MAP1A: variants seen among roughly 807,000 people sequenced by gnomAD.
MAP1A encodes microtubule associated protein 1A, also known as microtubule-associated protein 1A.
In MAP1A, 42 loss-of-function variants were observed where a neutral mutation model predicts 185.9. The observed-to-expected ratio is 0.23, with a 90% confidence interval of 0.18 to 0.29. MAP1A has a LOEUF of 0.29. MAP1A is among the 10% of genes least tolerant of loss of function. The pLI is 1.00. For missense variants in MAP1A, 2,995 were observed against 3,450.4 expected (o/e 0.87, Z 3.31); for synonymous variants, 1,229 against 1,335.9 (o/e 0.92, Z 1.74).
At chr15:43,517,518 C>T (rs149594036), upstream of MAP1A, 33 of 172,298 alleles carry the variant, frequency 1.9e-4, no homozygotes, top group East Asian at 5.7e-3. Flanking sequence ...AGTTAAGTCT[C>T]CAGTGCCTCG....
In MAP1A at chr15:43,524,254, C is replaced by T; in HGVS notation, c.2781C>T (p.Ile927=). The change falls in exon 4 of 6, where the codon ATC becomes ATT. Residue 927 remains isoleucine (I), a synonymous_variant. Transcript: ENST00000300231. ...VTGESEKRGE[I]IGKGLSGERA... Reference sequence around the variant, plus strand: ...GGGAGTCAGAGAAGAGAGGAGAGATCATAGGGAAAGGCTTGTCTGGAGAGA... The same window carrying T: ...GGGAGTCAGAGAAGAGAGGAGAGATTATAGGGAAAGGCTTGTCTGGAGAGA... 6.2e-7 allele frequency: 1 copy of T among 1,614,154 alleles called. No individual in the cohort carries two copies. The highest frequency in any genetic ancestry group is 8.5e-7 in the Non-Finnish European group (1 of 1,180,018).
upstream of MAP1A, among the ~76,000 whole-genome samples, chr15:43,514,403 C>G (rs1450358310): frequency 6.6e-6 from 1 of 152,240 alleles, no homozygotes; most frequent in Admixed American, 6.5e-5. Flanking sequence ...ACTGCCCCTC[C>G]CTCCAGCCTT....
chr15:43,514,817 G>A (rs2140201084), upstream of MAP1A, among the ~76,000 whole-genome samples: 1 of 152,246 alleles, frequency 6.6e-6, no homozygotes, highest in South Asian at 2.1e-4. Flanking sequence ...GAAACAATTA[G>A]GACAGTGGAA....
Position 43,525,201 on chromosome 15 carries a change from C to G in MAP1A, c.3728C>G (p.Ala1243Gly). 1 of 1,614,110 alleles carries G rather than the reference C, an allele frequency of 6.2e-7. No homozygotes were observed. The highest frequency in any genetic ancestry group is 1.1e-5 in the South Asian group (1 of 91,088). The change falls in exon 4 of 6, where the codon GCC becomes GGC. Residue 1243 changes from alanine to glycine, a missense_variant. Ala to Gly is a moderately conservative substitution (Grantham distance 60, BLOSUM62 0). Coordinates refer to ENST00000300231, the MANE Select transcript of MAP1A (RefSeq NM_002373.6). ...GKEEMGHLMQ[A>G]EDTSHHTAPM... is the part of the protein sequence containing the mutation. ...GAAGAAATGGGGCATCTGATGCAGG[C>G]CGAGGATACCTCTCACCACACAGCT...
In MAP1A at chr15:43,528,185, T is replaced by C. The variant is rs2079354423; in HGVS notation, c.6712T>C (p.Ser2238Pro). ...SSLPQLPSPSSPGAPLLSNLP... is the reference protein window; with the variant it reads ...SSLPQLPSPSPPGAPLLSNLP... ...ACTGCCCCAGCTCCCATCACCCAGT[T>C]CTCCTGGGGCCCCTCTCCTCTCCAA... is the stretch of plus-strand genomic sequence containing the variant. Residue 2238 changes from serine to proline, a missense_variant, in exon 4 of 6, where the codon TCT becomes CCT. Around this residue, in one of 3 missense-constraint regions of MAP1A, gnomAD observed 2,728 missense variants for 2,986.0 expected, o/e 0.91. Transcript: ENST00000300231. The C allele has an allele frequency of 6.2e-7, 1 of 1,613,840 alleles. No homozygotes were observed. The highest frequency in any genetic ancestry group is 8.5e-7 in the Non-Finnish European group (1 of 1,179,996).
At position 43,522,475 on chromosome 15, in the gene MAP1A, G is replaced by A. The variant is rs576147041; in HGVS notation, c.1002G>A (p.Leu334=). Reference sequence around the variant, plus strand: ...CTACCAAGACGGCCGTGAGCAAGTTGGCCAAACGGGAGGAGGTGGTAGAAG... The same window carrying A: ...CTACCAAGACGGCCGTGAGCAAGTTAGCCAAACGGGAGGAGGTGGTAGAAG... ...KATTKTAVSK[L]AKREEVVEEG... Residue 334 remains leucine, a synonymous_variant, in exon 4 of 6, where the codon TTG becomes TTA. Transcript: ENST00000300231. This position sits in a 1 kb window ranked among gnomAD's most constrained non-coding sequence, Gnocchi z 5.9. 1.2e-5 allele frequency: 20 copies of A among 1,614,028 alleles called. No individual in the cohort carries two copies. The highest frequency in any genetic ancestry group is 3.3e-4 in the Middle Eastern group (2 of 6,062).
upstream of MAP1A, among the ~76,000 whole-genome samples, chr15:43,513,797 G>A (rs1176538303): frequency 2.0e-5 from 3 of 152,218 alleles, no homozygotes; most frequent in Non-Finnish European, 4.4e-5. Context: ...CCCTAATGAT[G>A]AAAATCGGCA....
At position 43,527,752 on chromosome 15, in the gene MAP1A, C is replaced by A. The variant is rs780152975; in HGVS notation, c.6279C>A (p.Pro2093=). The change falls in exon 4 of 6, where the codon CCC becomes CCA. Residue 2093 remains proline, a synonymous_variant. Transcript: ENST00000300231. ...GCCCAGATAGGAGGTCCCCATCCCC[C>A]AAGGAATCAGGCCGGAGTCACTGGG... ...SCSPDRRSPS[P]KESGRSHWDD... 4 of 1,613,674 alleles carry A rather than the reference C, an allele frequency of 2.5e-6. No homozygotes were observed. The highest frequency in any genetic ancestry group is 3.4e-6 in the Non-Finnish European group (4 of 1,179,890).
chr15:43,527,982 TCTC>T lies in MAP1A; in HGVS notation c.6513_6515del (p.Ser2172del), dbSNP rs745774409. 9.3e-5 allele frequency: 150 copies of T among 1,613,864 alleles called. No homozygotes were observed. The highest frequency in any genetic ancestry group is 1.2e-4 in the Non-Finnish European group (140 of 1,180,008). On this transcript the variant is annotated inframe_deletion, in exon 4 of 6. Coordinates refer to ENST00000300231, the MANE Select transcript of MAP1A (RefSeq NM_002373.6). ...GACTTCCCTGCTTCAGCCTTTGGCT[TCTC>T]CTCATTGCAGCCAGCTCCCCCACAG...
In MAP1A at chr15:43,529,019, C is replaced by T. The variant is rs1408020257; in HGVS notation, c.7546C>T (p.Pro2516Ser). 1 of 1,613,698 alleles carries T rather than the reference C, an allele frequency of 6.2e-7. No individual in the cohort carries two copies. The highest frequency in any genetic ancestry group is 1.3e-5 in the African/African-American group (1 of 74,916). The stretch of plus-strand genomic sequence containing the variant: ...CTCCTCACAGTCAGATTCTGATGTC[C>T]CGCCAGAAACTGAGGAGTGTCCGTC... ...SGSSQSDSDV[P>S]PETEECPSIT... is the part of the protein sequence containing the mutation. Residue 2516 changes from proline (P) to serine (S), a missense_variant, in exon 4 of 6, where the codon CCG (proline) becomes TCG (serine). Coordinates refer to ENST00000300231, the MANE Select transcript of MAP1A (RefSeq NM_002373.6). The surrounding 1 kb of genome is among the most constrained non-coding windows in gnomAD (Gnocchi z 4.3).
rs1019566410 is a variant in MAP1A at position 43,531,444 on chromosome 15, C to T, written c.*1220C>T. 6.5e-6 allele frequency: 1 copy of T among 152,742 alleles called. No individual in the cohort carries two copies. Among genetic ancestry groups the T allele is most frequent in the Admixed American group, 6.5e-5 (1 of 15,268 alleles). The allele number at this position is 152,742 out of a possible 1,614,324, so 9.5% of individuals were successfully genotyped here. ...GAAGCTGGTAGTCATGTGGGCTTGCCTTCTCTGCCAAACGACTGGGAAACC... is the reference window on the plus strand; with the variant it reads ...GAAGCTGGTAGTCATGTGGGCTTGCTTTCTCTGCCAAACGACTGGGAAACC... On this transcript the variant is annotated 3_prime_UTR_variant, in exon 6 of 6. Coordinates refer to ENST00000300231, the MANE Select transcript of MAP1A (RefSeq NM_002373.6).
chr15:43,511,204 C>G (rs758936688), exon 1 of MAP1A: 17 of 1,550,360 alleles, frequency 1.1e-5, no homozygotes, highest in Non-Finnish European at 1.5e-5. Flanking sequence ...AGCTGAGGGC[C>G]GTGCGGGCCC....
Position 43,517,617 on chromosome 15 carries a change from C to G in MAP1A, c.-458C>G. ...CCCCACCGCCCGCCCCACTCCCACCCTAAGTGCTGCAGACTCTTCCCTGAA... is the reference window on the plus strand; with the variant it reads ...CCCCACCGCCCGCCCCACTCCCACCGTAAGTGCTGCAGACTCTTCCCTGAA... On this transcript the variant is annotated 5_prime_UTR_variant, in exon 1 of 6. Coordinates refer to ENST00000300231, the MANE Select transcript of MAP1A (RefSeq NM_002373.6). 1 of 938,508 alleles carries G rather than the reference C, an allele frequency of 1.1e-6. No individual in the cohort carries two copies. Among genetic ancestry groups the G allele is most frequent in the Non-Finnish European group, 1.3e-6 (1 of 787,798 alleles). The allele number at this position is 938,508 out of a possible 1,614,324, so 58.1% of individuals were successfully genotyped here.
In MAP1A at chr15:43,522,573, C is replaced by A; in HGVS notation, c.1100C>A (p.Ser367Tyr). ...AKTEKKAKES[S>Y]EKPPEKPAKP... ...ACAGAGAAGAAGGCAAAAGAGTCATCTGAGAAGCCCCCAGAGAAGCCTGCC... is the reference window on the plus strand; with the variant it reads ...ACAGAGAAGAAGGCAAAAGAGTCATATGAGAAGCCCCCAGAGAAGCCTGCC... The change falls in exon 4 of 6, where the codon TCT becomes TAT. Residue 367 changes from serine (S) to tyrosine (Y), a missense_variant. Transcript: ENST00000300231. The surrounding 1 kb of genome is among the most constrained non-coding windows in gnomAD (Gnocchi z 5.9). 1 of 1,611,244 alleles carries A rather than the reference C, an allele frequency of 6.2e-7. No individual in the cohort carries two copies. Among genetic ancestry groups the A allele is most frequent in the East Asian group, 2.2e-5 (1 of 44,824 alleles).
intron 2 of MAP1A, among the ~76,000 whole-genome samples, chr15:43,512,456 A>G (rs1261384842): frequency 6.6e-6 from 1 of 152,170 alleles, no homozygotes; most frequent in Non-Finnish European, 1.5e-5. Context: ...CATACCAAAT[A>G]TACTTTGCAG....
chr15:43,529,022 C>G lies in MAP1A; in HGVS notation c.7549C>G (p.Pro2517Ala). The part of the protein sequence containing the change: ...GSSQSDSDVP[P>A]ETEECPSITA... ...CTCACAGTCAGATTCTGATGTCCCG[C>G]CAGAAACTGAGGAGTGTCCGTCCAT... The change falls in exon 4 of 6, where the codon CCA becomes GCA. Residue 2517 changes from proline to alanine, a missense_variant. Pro to Ala is a conservative substitution (Grantham distance 27). Transcript: ENST00000300231. This position sits in a 1 kb window ranked among gnomAD's most constrained non-coding sequence, Gnocchi z 4.3. The G allele has an allele frequency of 6.2e-7, 1 of 1,613,838 alleles. No homozygotes were observed. The highest frequency in any genetic ancestry group is 8.5e-7 in the Non-Finnish European group (1 of 1,180,012).
In MAP1A at chr15:43,525,589, A is replaced by C. The variant is rs1210001179; in HGVS notation, c.4116A>C (p.Lys1372Asn). The change falls in exon 4 of 6, where the codon AAA becomes AAC. Residue 1372 changes from lysine to asparagine, a missense_variant. Physicochemically the swap from Lys to Asn is moderately conservative, Grantham distance 94 (BLOSUM62 0). Around this residue, in one of 3 missense-constraint regions of MAP1A, gnomAD observed 2,728 missense variants for 2,986.0 expected, o/e 0.91. Transcript: ENST00000300231. ...ATGAAGTTTTACAGCAGAAAGACAAAACTCTGGAGCACAAGGAGGTGGTAG... is the reference window on the plus strand; with the variant it reads ...ATGAAGTTTTACAGCAGAAAGACAACACTCTGGAGCACAAGGAGGTGGTAG... Reference protein sequence around the residue: ...PKDEVLQQKDKTLEHKEVVEP... With the variant: ...PKDEVLQQKDNTLEHKEVVEP... 1 of 1,614,074 alleles carries C rather than the reference A, an allele frequency of 6.2e-7. No homozygotes were observed. The highest frequency in any genetic ancestry group is 8.5e-7 in the Non-Finnish European group (1 of 1,180,046).
chr15:43,517,171 C>A (rs1199752016), upstream of MAP1A, among the ~76,000 whole-genome samples: 5 of 152,260 alleles, frequency 3.3e-5, no homozygotes, highest in East Asian at 9.7e-4. Flanking sequence ...CACACCTACC[C>A]CATGCTTTTG....
rs993370990 is a variant in MAP1A at position 43,528,571 on chromosome 15, C to T, written c.7098C>T (p.Ser2366=). 1 of 1,613,668 alleles carries T rather than the reference C, an allele frequency of 6.2e-7. No individual in the cohort carries two copies. Among genetic ancestry groups the T allele is most frequent in the South Asian group, 1.1e-5 (1 of 91,090 alleles). Reference sequence around the variant, plus strand: ...CAGCCAATGGCCCAACTGAAACCAGCCCTAACCCCCCAGGCCCTGCCCCAG... The same window carrying T: ...CAGCCAATGGCCCAACTGAAACCAGTCCTAACCCCCCAGGCCCTGCCCCAG... ...DCAANGPTET[S]PNPPGPAPAK... Residue 2366 remains serine (S), a synonymous_variant, in exon 4 of 6, where the codon AGC becomes AGT. Transcript: ENST00000300231.
Sources: allele counts gnomAD v4.1 joint callset (sites outside exome capture counted in the v4.1 genomes callset), GRCh38; gene constraint gnomAD v4.1.1; regional missense constraint gnomAD v4.1.1; non-coding constraint Gnocchi (gnomAD v3.1); transcripts MANE v1.5; gene names NCBI Gene and HGNC (gene_info 2026-07-23, HGNC 2026-07-21).